The following SIDT1 variants were observed in gnomAD, a reference collection of about 807,000 sequenced individuals.
SIDT1 encodes the protein SID1 transmembrane family, member 1.
A neutral mutation model predicts 107.5 loss-of-function variants in SIDT1; 101 were observed. That is an observed-to-expected ratio of 0.94 (90% CI 0.80 to 1.11). The LOEUF is 1.11. Ranked by LOEUF, SIDT1 falls within the 50% of genes least tolerant of loss-of-function variation. The pLI is 0.00. For missense variants in SIDT1, 1,076 were observed against 1,058.2 expected, an observed-to-expected ratio of 1.02 and a Z score of -0.23; for synonymous variants, 395 against 398.2, an observed-to-expected ratio of 0.99 and a Z score of 0.10.
At chr3:113,548,884 C>A (rs116035069) in intron 1 of SIDT1, among the ~76,000 whole-genome samples, 1 of 151,964 alleles carries the variant, frequency 6.6e-6, no homozygotes. Flanking sequence ...TGAGGATGTC[C>A]GTGTCACAAA....
At chr3:113,609,910 C>A (rs1053251268) in intron 17 of SIDT1, among the ~76,000 whole-genome samples, 1 of 152,162 alleles carries the variant, frequency 6.6e-6, no homozygotes, top group African/African-American at 2.4e-5. Context: ...TCTCCTCCTT[C>A]CTCCCCTAAA....
In SIDT1 at chr3:113,629,395, G is replaced by A. The variant is rs1388640455; in HGVS notation, c.*1687G>A. ...CAACATGTAAAAAACTTTTTGGCAG[G>A]GCACAGTGGCTCACGCCTGTAATCC... On this transcript the variant is annotated 3_prime_UTR_variant, in exon 25 of 25. Transcript: ENST00000264852. The A allele has an allele frequency of 1.3e-5, 2 of 152,132 alleles. No homozygotes were observed. The highest frequency in any genetic ancestry group is 4.8e-5 in the African/African-American group (2 of 41,412). 9.4% of individuals were successfully genotyped at this position (152,132 alleles called of 1,614,324 possible).
chr3:113,569,348 G>A (rs1011156598), intron 3 of SIDT1, among the ~76,000 whole-genome samples: 1 of 152,018 alleles, frequency 6.6e-6, no homozygotes, highest in South Asian at 2.1e-4. Context: ...TATAATACAT[G>A]TTTGTTATAT....
At chr3:113,615,912 G>T in intron 19 of SIDT1, 188 bp from the exon 20 acceptor site, 1 of 616,478 alleles carries the variant, frequency 1.6e-6, no homozygotes, top group Non-Finnish European at 2.9e-6. Flanking sequence ...CACAGATATG[G>T]CATCCCTCTA....
Position 113,623,192 on chromosome 3 carries a change from T to TAA in SIDT1, c.2091-207_2091-206dup, listed in dbSNP as rs61454117. Among the ~76,000 whole-genome samples the TAA allele has an allele frequency of 3.6e-3, 195 of 53,850 alleles. 4 individuals carry two copies. The highest frequency in any genetic ancestry group is 7.4e-3 in the African/African-American group (92 of 12,358). The allele number at this position is 53,850 out of a possible 152,430, so 35.3% of individuals were successfully genotyped here. A position where few individuals can be genotyped will look rare whatever the true frequency, so the allele number is the denominator to read the frequency against. On this transcript the variant is annotated intron_variant, in intron 21 of 24. Coordinates refer to ENST00000264852, the MANE Select transcript of SIDT1 (RefSeq NM_017699.3). ...AGTGAGGGAATGAGACCCCAACTCT[T>TAA]AAAAAAAAAAAAAAAAAAAAAAAAA...
intron 1 of SIDT1, among the ~76,000 whole-genome samples, chr3:113,539,515 A>T (rs114015134): frequency 0.17 from 26,281 of 152,082 alleles, 3,308 homozygotes; most frequent in African/African-American, 0.36. Flanking sequence ...GATTGGTAAC[A>T]TTTTCTAAGC....
At chr3:113,588,479 G>T (rs182574728) in intron 9 of SIDT1, among the ~76,000 whole-genome samples, 1 of 152,326 alleles carries the variant, frequency 6.6e-6, no homozygotes, top group East Asian at 1.9e-4. Flanking sequence ...TATGGGGTTT[G>T]TAGTACGTGC....
chr3:113,533,421 G>A (rs541562139), intron 1 of SIDT1, among the ~76,000 whole-genome samples, 178 bp downstream of exon 1: 4 of 152,280 alleles, frequency 2.6e-5, no homozygotes, highest in East Asian at 3.9e-4. Context: ...CACGCCTCGG[G>A]GACAACTCTG....
At chr3:113,616,492 G>A (rs1946115792) in intron 20 of SIDT1, among the ~76,000 whole-genome samples, 1 of 152,132 alleles carries the variant, frequency 6.6e-6, no homozygotes, top group African/African-American at 2.4e-5. Context: ...GCCTGTTAGA[G>A]GGTGGGGCGA....
At chr3:113,535,630 T>A (rs1185673173) in intron 1 of SIDT1, among the ~76,000 whole-genome samples, 2 of 152,234 alleles carry the variant, frequency 1.3e-5, no homozygotes, top group African/African-American at 4.8e-5. Flanking sequence ...AGAATTTTTG[T>A]TAAAATATTA....
chr3:113,622,468 A>C, intron 21 of SIDT1, among the ~76,000 whole-genome samples: 1 of 77,670 alleles, frequency 1.3e-5, no homozygotes, highest in African/African-American at 5.0e-5. Context: ...CATCTCAAAA[A>C]AAAAAAAAAA....
intron 9 of SIDT1, among the ~76,000 whole-genome samples, chr3:113,587,975 A>G (rs1014458743): frequency 3.3e-5 from 5 of 152,214 alleles, no homozygotes; most frequent in African/African-American, 1.2e-4. Context: ...GAGTTCCAAT[A>G]TCATGGAAAG....
intron 17 of SIDT1, among the ~76,000 whole-genome samples, 161 bp downstream of exon 17, chr3:113,608,697 A>C (rs1232705641): frequency 6.6e-6 from 1 of 152,268 alleles, no homozygotes; most frequent in African/African-American, 2.4e-5. Context: ...CTAATTGAGC[A>C]GTTAGACTGC....
intron 9 of SIDT1, among the ~76,000 whole-genome samples, chr3:113,591,391 C>A (rs368683389): frequency 6.6e-6 from 1 of 151,946 alleles, no homozygotes; most frequent in Admixed American, 6.6e-5. Flanking sequence ...CAACACAATC[C>A]CTTGCAAAGT....
At chr3:113,567,353 A>G (rs931760113) in intron 2 of SIDT1, among the ~76,000 whole-genome samples, 187 bp from the exon 3 acceptor site, 6 of 152,224 alleles carry the variant, frequency 3.9e-5, no homozygotes, top group Non-Finnish European at 8.8e-5. Context: ...TTATTATATC[A>G]TACAACCCAA....
rs921057564 is a variant in SIDT1, at chr3:113,533,264, G to T, written c.222+21G>T. The T allele has an allele frequency of 4.9e-6, 7 of 1,424,470 alleles. No individual in the cohort carries two copies. The African/African-American group carries it at 8.9e-5, about 18-fold the overall frequency. The allele number at this position is 1,424,470 out of a possible 1,614,324, so 88.2% of individuals were successfully genotyped here. ...ACCAGGTAAGACACTCGCTCCCCTC[G>T]CTCGACTCCTAGAACTTGCCAGATC... On this transcript the variant is annotated intron_variant, in intron 1 of 24. Transcript: ENST00000264852.
At chr3:113,620,178 T>G (rs1946369030) in intron 21 of SIDT1, among the ~76,000 whole-genome samples, 1 of 149,758 alleles carries the variant, frequency 6.7e-6, no homozygotes, top group South Asian at 2.1e-4. Flanking sequence ...CTGTAGAAAT[T>G]TTTCTTTTAC....
downstream of SIDT1, among the ~76,000 whole-genome samples, chr3:113,634,175 A>G (rs535966022): frequency 2.0e-5 from 3 of 152,276 alleles, no homozygotes; most frequent in Admixed American, 6.5e-5. Flanking sequence ...AAGAAATAAA[A>G]ACAGCTCCTC....
Position 113,569,216 on chromosome 3 carries a change from G to T in SIDT1, c.515+1506G>T, listed in dbSNP as rs187532189. 3.2e-4 allele frequency among the ~76,000 whole-genome samples: 48 copies of T among 151,596 alleles called. No individual in the cohort carries two copies. The East Asian group carries it at 8.8e-3, about 28-fold the overall frequency. Reference sequence around the variant, plus strand: ...TATTCCATTTATATAAAATTTAAAGGCAGGCAAAACTATTCTGTGATGCTG... The same window carrying T: ...TATTCCATTTATATAAAATTTAAAGTCAGGCAAAACTATTCTGTGATGCTG... On this transcript the variant is annotated intron_variant, in intron 3 of 24. Coordinates refer to ENST00000264852, the MANE Select transcript of SIDT1 (RefSeq NM_017699.3).
Sources: gnomAD v4.1 joint callset for allele counts (sites outside exome capture counted in the v4.1 genomes callset) on GRCh38, gnomAD v4.1.1 for gene constraint, MANE v1.5 for transcripts, NCBI Gene and HGNC (gene_info 2026-07-23, HGNC 2026-07-21) for gene names.